The following LPP variants were observed in gnomAD, a reference collection of about 807,000 sequenced individuals.
The protein encoded by LPP is LIM domain containing preferred translocation partner in lipoma, also known as lipoma-preferred partner.
A neutral mutation model predicts 60.4 loss-of-function variants in LPP; 38 were observed. The observed-to-expected ratio is 0.63, with a 90% CI of 0.49 to 0.83. The LOEUF is 0.83. Ranked by LOEUF, LPP falls within the 40% of genes least tolerant of loss-of-function variation. The pLI is 0.00. For synonymous variants in LPP, 328 were observed against 290.8 expected (o/e 1.13, Z -1.30); for missense variants, 902 against 783.6 (o/e 1.15, Z -1.80).
intron 3 of LPP, among the ~76,000 whole-genome samples, chr3:188,367,315 C>A (rs1329433723): frequency 6.6e-6 from 1 of 151,978 alleles, no homozygotes; most frequent in Admixed American, 6.6e-5. Context: ...AGAACCCAGT[C>A]CTTATAGAGT....
At chr3:188,643,018 C>T (rs902429019) in intron 7 of LPP, among the ~76,000 whole-genome samples, 4 of 151,784 alleles carry the variant, frequency 2.6e-5, no homozygotes, top group African/African-American at 9.7e-5. Context: ...AGTTTCTGAC[C>T]ACTGAAATAT....
chr3:188,599,751 G>GGGGGGTGT (rs374294307), intron 6 of LPP, among the ~76,000 whole-genome samples: 13 of 139,906 alleles, frequency 9.3e-5, no homozygotes, highest in South Asian at 2.4e-4. Context: ...ACTCGTTAGG[G>GGGGGGTGT]GTGTGTGTGT....
At chr3:188,719,267 A>T (rs1715356697) in intron 8 of LPP, among the ~76,000 whole-genome samples, 1 of 152,186 alleles carries the variant, frequency 6.6e-6, no homozygotes, top group South Asian at 2.1e-4. Context: ...CTTCTGTTCT[A>T]ATCTAATTGG....
chr3:188,264,170 T>C (rs1734630581), intron 2 of LPP, among the ~76,000 whole-genome samples: 1 of 152,154 alleles, frequency 6.6e-6, no homozygotes, highest in Non-Finnish European at 1.5e-5. Flanking sequence ...TATTAAGCTT[T>C]CTTTAAAATG....
chr3:188,807,613 C>G (rs1749563916), intron 9 of LPP, among the ~76,000 whole-genome samples: 1 of 151,948 alleles, frequency 6.6e-6, no homozygotes, highest in African/African-American at 2.4e-5. Flanking sequence ...AATTCTTTCC[C>G]CAGTTGAGTC....
chr3:188,654,216 A>G (rs1425621086), intron 7 of LPP, among the ~76,000 whole-genome samples: 1 of 152,226 alleles, frequency 6.6e-6, no homozygotes, highest in Non-Finnish European at 1.5e-5. Flanking sequence ...TTTAAGTGCC[A>G]TGAAGAGAAA....
chr3:188,726,906 A>G (rs938795174), intron 8 of LPP, among the ~76,000 whole-genome samples: 6 of 152,232 alleles, frequency 3.9e-5, no homozygotes, highest in African/African-American at 1.4e-4. Flanking sequence ...TTTCTCAGAC[A>G]CAAATTCTTA....
chr3:188,184,119 G>A (rs992118434), intron 1 of LPP, among the ~76,000 whole-genome samples: 1 of 152,138 alleles, frequency 6.6e-6, no homozygotes, highest in African/African-American at 2.4e-5. Flanking sequence ...CTAATTCATC[G>A]GGGCTTCCAA....
chr3:188,826,325 C>T (rs545919638), intron 9 of LPP, among the ~76,000 whole-genome samples: 2 of 152,196 alleles, frequency 1.3e-5, no homozygotes, highest in African/African-American at 4.8e-5. Context: ...ATAGGAGATC[C>T]TGTTATCCTC....
At chr3:188,378,248 T>C (rs1351967996) in intron 3 of LPP, among the ~76,000 whole-genome samples, 1 of 152,212 alleles carries the variant, frequency 6.6e-6, no homozygotes, top group African/African-American at 2.4e-5. Context: ...GAGAGGGACA[T>C]GTAAGTCTGC....
intron 8 of LPP, chr3:188,712,851 C>T (rs1712142609): frequency 6.6e-6 from 1 of 151,758 alleles, no homozygotes; most frequent in East Asian, 1.9e-4. Context: ...GAGTAGGTTC[C>T]TTTGTGGTCA....
chr3:188,565,064 T>C (rs1201191974), intron 6 of LPP, among the ~76,000 whole-genome samples: 1 of 151,960 alleles, frequency 6.6e-6, no homozygotes, highest in Non-Finnish European at 1.5e-5. Flanking sequence ...TTATTTTAGC[T>C]GGTTCTTCTC....
chr3:188,680,994 CTTTTTT>C (rs11307025), intron 7 of LPP, among the ~76,000 whole-genome samples: 1 of 129,110 alleles, frequency 7.7e-6, no homozygotes, highest in Non-Finnish European at 1.6e-5. Context: ...GGTGCATTTC[CTTTTTT>C]TTTTTTTTTT....
chr3:188,424,848 A>G (rs1788849947), intron 4 of LPP, among the ~76,000 whole-genome samples: 1 of 152,154 alleles, frequency 6.6e-6, no homozygotes. Flanking sequence ...TTTTGGGTTG[A>G]GATTTTGGGA....
intron 3 of LPP, among the ~76,000 whole-genome samples, chr3:188,387,566 ATTTT>A (rs57960044): frequency 9.0e-5 from 12 of 133,770 alleles, no homozygotes; most frequent in Non-Finnish European, 8.0e-5. Flanking sequence ...TCAGAGGTTA[ATTTT>A]TTTTTTTTTT....
At position 188,495,082 on chromosome 3, in the gene LPP, A is replaced by ATATATTTTT. The variant is rs1342207321; in HGVS notation, c.306+10379_306+10380insATATTTTTT. Among the ~76,000 whole-genome samples, 67 of 97,242 alleles carry ATATATTTTT rather than the reference A, an allele frequency of 6.9e-4. 2 individuals carry two copies. The highest frequency in any genetic ancestry group is 2.6e-3 in the African/African-American group (64 of 25,078). 63.8% of individuals were successfully genotyped at this position (97,242 alleles called of 152,430 possible). On this transcript the variant is annotated intron_variant, in intron 5 of 11. Transcript: ENST00000617246. ...CAGGATTTTATATATATATATATAT[A>ATATATTTTT]TTTTATTTATATTTTATTATATATT... is the stretch of plus-strand genomic sequence containing the variant.
At chr3:188,493,614 T>C (rs1422928150) in intron 5 of LPP, among the ~76,000 whole-genome samples, 3 of 152,110 alleles carry the variant, frequency 2.0e-5, no homozygotes, top group African/African-American at 7.2e-5. Context: ...TTTATTATTA[T>C]TTTATTTTTG....
chr3:188,474,105 A>G (rs976860948), intron 4 of LPP, among the ~76,000 whole-genome samples: 1 of 152,204 alleles, frequency 6.6e-6, no homozygotes, highest in Non-Finnish European at 1.5e-5. Context: ...CCATGGGAAA[A>G]GTTCATGTGT....
Position 188,708,183 on chromosome 3 carries a change from G to A in LPP, c.1114-84G>A, listed in dbSNP as rs1460069911. ...CACGTCCAGTGCTTTTTCCTCTCCAGTGCAATCGCTGCTTGTTTAGGCTGA... is the reference window on the plus strand; with the variant it reads ...CACGTCCAGTGCTTTTTCCTCTCCAATGCAATCGCTGCTTGTTTAGGCTGA... On this transcript the variant is annotated intron_variant, in intron 7 of 11. Coordinates refer to ENST00000617246, the MANE Select transcript of LPP (RefSeq NM_001375462.1). 4 of 1,509,614 alleles carry A rather than the reference G, an allele frequency of 2.6e-6. No individual in the cohort carries two copies. The South Asian group carries it at 4.8e-5, about 18-fold the overall frequency. 93.5% of individuals were successfully genotyped at this position (1,509,614 alleles called of 1,614,324 possible).
Sources: allele counts gnomAD v4.1 joint callset (sites outside exome capture counted in the v4.1 genomes callset), GRCh38; gene constraint gnomAD v4.1.1; transcripts MANE v1.5; gene names NCBI Gene and HGNC (gene_info 2026-07-23, HGNC 2026-07-21).